PTPRD: variants seen among roughly 807,000 people sequenced by gnomAD.
PTPRD encodes the protein receptor-type tyrosine-protein phosphatase delta.
In PTPRD, 34 loss-of-function variants were observed where a neutral mutation model predicts 214.5. The observed-to-expected ratio is 0.16, with a 90% CI of 0.12 to 0.21. The LOEUF (loss-of-function observed/expected upper bound fraction) is 0.21. PTPRD is among the 10% of genes least tolerant of loss of function. The pLI, the probability that PTPRD is intolerant of heterozygous loss-of-function variation, is 1.00. For synonymous variants in PTPRD, 1,128 were observed against 845.7 expected (o/e 1.33, Z -5.79); for missense variants, 2,545 against 2,398.7 (o/e 1.06, Z -1.27).
intron 6 of PTPRD, among the ~76,000 whole-genome samples, chr9:9,756,734 T>C (rs2098587436): frequency 6.6e-6 from 1 of 152,176 alleles, no homozygotes; most frequent in Non-Finnish European, 1.5e-5. Context: ...ATATGAATTT[T>C]ACCTCAATAA....
intron 3 of PTPRD, among the ~76,000 whole-genome samples, chr9:10,082,840 A>AAC (rs59362209): frequency 0.019 from 2,478 of 128,220 alleles, 58 homozygotes; most frequent in African/African-American, 0.047. Flanking sequence ...CACACACACA[A>AAC]ACACACACAC....
intron 11 of PTPRD, among the ~76,000 whole-genome samples, chr9:9,011,431 A>C (rs920623575): frequency 4.3e-4 from 65 of 152,298 alleles, no homozygotes; most frequent in South Asian, 1.5e-3. Context: ...ATAGGATATA[A>C]GGATATAATT....
chr9:10,297,924 T>C (rs975412090), intron 3 of PTPRD, among the ~76,000 whole-genome samples: 1 of 152,108 alleles, frequency 6.6e-6, no homozygotes, highest in Non-Finnish European at 1.5e-5. Flanking sequence ...TCTGCTACTA[T>C]GGTGGCTATT....
At chr9:9,835,907 C>G (rs1305193429) in intron 5 of PTPRD, among the ~76,000 whole-genome samples, 3 of 151,930 alleles carry the variant, frequency 2.0e-5, no homozygotes, top group Admixed American at 6.6e-5. Flanking sequence ...AATGCTGGTG[C>G]CAGTTTTACA....
At chr9:10,278,663 A>T (rs78036160) in intron 3 of PTPRD, among the ~76,000 whole-genome samples, 21,907 of 152,200 alleles carry the variant, frequency 0.14, 1,786 homozygotes, top group Admixed American at 0.24. Context: ...TTCAAATCAC[A>T]TTAAACTTTA....
chr9:10,352,909 T>A (rs1431309078), intron 2 of PTPRD, among the ~76,000 whole-genome samples: 2 of 152,008 alleles, frequency 1.3e-5, no homozygotes, highest in African/African-American at 2.4e-5. Context: ...AATGCTGCAA[T>A]ACCTTTAGGT....
chr9:8,677,749 C>G (rs542612666), intron 12 of PTPRD, among the ~76,000 whole-genome samples: 1 of 152,258 alleles, frequency 6.6e-6, no homozygotes, highest in Non-Finnish European at 1.5e-5. Context: ...ACTTTAATAG[C>G]AAAATGTCTG....
intron 9 of PTPRD, among the ~76,000 whole-genome samples, chr9:9,275,184 T>TATATAACA (rs1219920456): frequency 4.2e-4 from 9 of 21,426 alleles, no homozygotes; most frequent in Non-Finnish European, 7.3e-4. Flanking sequence ...AATATATATG[T>TATATAACA]TATATATATA....
intron 3 of PTPRD, among the ~76,000 whole-genome samples, chr9:10,269,252 G>A (rs780542347): frequency 3.3e-5 from 5 of 152,150 alleles, no homozygotes; most frequent in Non-Finnish European, 7.3e-5. Context: ...CCCTAACTAT[G>A]AATTAATCTA....
chr9:9,066,976 C>A (rs908982387), intron 10 of PTPRD, among the ~76,000 whole-genome samples: 1 of 152,216 alleles, frequency 6.6e-6, no homozygotes, highest in African/African-American at 2.4e-5. Flanking sequence ...GGCGCCATGG[C>A]TCATGCCTGT....
intron 8 of PTPRD, among the ~76,000 whole-genome samples, chr9:9,503,389 A>G (rs2096482922): frequency 6.6e-6 from 1 of 151,474 alleles, no homozygotes; most frequent in South Asian, 2.1e-4. Flanking sequence ...CACATTTTTT[A>G]GTGTCTTTAT....
At chr9:8,988,209 T>C (rs1437174440) in intron 11 of PTPRD, among the ~76,000 whole-genome samples, 2 of 152,026 alleles carry the variant, frequency 1.3e-5, no homozygotes, top group African/African-American at 4.8e-5. Flanking sequence ...CTGAAGAAAG[T>C]GTGACTATTG....
At chr9:10,539,855 T>G (rs1486489808) in intron 2 of PTPRD, among the ~76,000 whole-genome samples, 1 of 152,272 alleles carries the variant, frequency 6.6e-6, no homozygotes, top group African/African-American at 2.4e-5. Flanking sequence ...TCATCAATCT[T>G]GACATCTCAA....
At chr9:10,053,699 T>C (rs2097573456) in intron 3 of PTPRD, among the ~76,000 whole-genome samples, 1 of 152,176 alleles carries the variant, frequency 6.6e-6, no homozygotes, top group Admixed American at 6.5e-5. Flanking sequence ...TTCTAATTTA[T>C]GAAGATACTA....
intron 3 of PTPRD, among the ~76,000 whole-genome samples, chr9:10,211,947 A>G (rs1307804437): frequency 1.3e-5 from 2 of 152,186 alleles, no homozygotes; most frequent in East Asian, 3.9e-4. Context: ...CCTTAAATGT[A>G]TACAACATTT....
chr9:10,464,278 G>A (rs1331273850), intron 2 of PTPRD, among the ~76,000 whole-genome samples: 1 of 151,982 alleles, frequency 6.6e-6, no homozygotes, highest in Non-Finnish European at 1.5e-5. Context: ...TTAAAAAGCT[G>A]GGCATGGCAC....
At chr9:8,817,342 T>C (rs2096941070) in intron 11 of PTPRD, among the ~76,000 whole-genome samples, 1 of 152,254 alleles carries the variant, frequency 6.6e-6, no homozygotes, top group Non-Finnish European at 1.5e-5. Context: ...TCTTTAATTT[T>C]ATTTAGAAAT....
chr9:10,465,400 A>G (rs2098986869), intron 2 of PTPRD, among the ~76,000 whole-genome samples: 2 of 152,198 alleles, frequency 1.3e-5, no homozygotes, highest in African/African-American at 4.8e-5. Context: ...CATATAATGA[A>G]CTGGGGTCGC....
chr9:9,820,480 T>C (rs946455551), intron 5 of PTPRD, among the ~76,000 whole-genome samples: 3 of 152,162 alleles, frequency 2.0e-5, no homozygotes, highest in Admixed American at 1.3e-4. Flanking sequence ...AGAAGCTCTT[T>C]AGTTTAATTA....
Sources: gnomAD v4.1 joint callset for allele counts (sites outside exome capture counted in the v4.1 genomes callset) on GRCh38, gnomAD v4.1.1 for gene constraint, MANE v1.5 for transcripts, NCBI Gene and HGNC (gene_info 2026-07-23, HGNC 2026-07-21) for gene names.